RCBTB2: variants seen among roughly 807,000 people sequenced by gnomAD.
RCBTB2 encodes RCC1 and BTB domain-containing protein 2.
RCBTB2 carries 55 observed loss-of-function variants against 65.4 expected under a neutral mutation model. The ratio of observed to expected loss-of-function variants is 0.84; its 90% confidence interval spans 0.68 to 1.05. The LOEUF is 1.05. Among genes scored for constraint, RCBTB2 ranks in the 50% least tolerant of loss-of-function variants. The probability of loss-of-function intolerance (pLI) is 0.00; values close to 1 mark genes in which losing one functional copy is unlikely to be tolerated. For synonymous variants in RCBTB2, 220 were observed against 255.2 expected (o/e 0.86, Z 1.31); for missense variants, 599 against 680.1 (o/e 0.88, Z 1.33).
intron 4 of RCBTB2, among the ~76,000 whole-genome samples, chr13:48,518,138 G>A (rs977424193): frequency 2.0e-5 from 3 of 152,204 alleles, no homozygotes; most frequent in South Asian, 2.1e-4. Flanking sequence ...CTAGCCTCCA[G>A]AACTGTGAGA....
upstream of RCBTB2, among the ~76,000 whole-genome samples, chr13:48,535,462 G>A (rs962920078): frequency 6.6e-6 from 1 of 152,086 alleles, no homozygotes; most frequent in East Asian, 1.9e-4. Context: ...CGCCATGTTG[G>A]CCAGAATGGT....
intron 4 of RCBTB2, 50 bp downstream of exon 4, chr13:48,521,848 G>T: frequency 4.5e-6 from 7 of 1,546,912 alleles, no homozygotes; most frequent in Non-Finnish European, 6.3e-6. Context: ...CATGAAGTAT[G>T]TTTCATGCAA....
Position 48,521,003 on chromosome 13 carries a change from T to C in RCBTB2, c.42+895A>G, listed in dbSNP as rs555093589. The stretch of plus-strand genomic sequence containing the variant: ...TTATAACACTTTGTATATATATTTG[T>C]ATATGTTCAATCACTATGTAGTAAT... On this transcript the variant is annotated intron_variant, in intron 4 of 14. Transcript: ENST00000344532. 2.0e-5 allele frequency among the ~76,000 whole-genome samples: 3 copies of C among 152,302 alleles called. No individual in the cohort carries two copies. In the South Asian group the frequency reaches 6.2e-4, roughly 32 times the overall value.
chr13:48,491,058 T>C (rs1189869987), intron 14 of RCBTB2, among the ~76,000 whole-genome samples: 3 of 152,200 alleles, frequency 2.0e-5, no homozygotes, highest in African/African-American at 7.2e-5. Flanking sequence ...CCTAGGCTAC[T>C]TGGCCTAGGA....
chr13:48,521,754 T>C (rs1277934616), intron 4 of RCBTB2, 144 bp downstream of exon 4: 1 of 745,320 alleles, frequency 1.3e-6, no homozygotes, highest in African/African-American at 1.8e-5. Flanking sequence ...CGATTATCTG[T>C]TGGCATCTCA....
intron 13 of RCBTB2, among the ~76,000 whole-genome samples, chr13:48,497,706 T>C (rs1483805796): frequency 6.6e-6 from 1 of 152,234 alleles, no homozygotes; most frequent in Non-Finnish European, 1.5e-5. Flanking sequence ...TATTAATTGT[T>C]TTTGTGTCTA....
Position 48,515,295 on chromosome 13 carries a change from T to C in RCBTB2, c.259A>G (p.Ile87Val), listed in dbSNP as rs1214998902. ...AAAGAATCCAGTCTCCGAGGTTCAA[T>C]GGTGCTCTGGACGTCACCTAACCCC... is the stretch of plus-strand genomic sequence containing the variant. ...CLGLGDVQST[I>V]EPRRLDSLNG... Residue 87 changes from isoleucine to valine, a missense_variant, in exon 6 of 15, where the codon ATT (isoleucine) becomes GTT (valine). Physicochemically the swap from Ile to Val is conservative, Grantham distance 29 (BLOSUM62 3). Transcript: ENST00000344532. 3.1e-6 allele frequency: 5 copies of C among 1,614,168 alleles called. No homozygotes were observed. Among genetic ancestry groups the C allele is most frequent in the East Asian group, 2.2e-5 (1 of 44,888 alleles).
intron 14 of RCBTB2, among the ~76,000 whole-genome samples, chr13:48,492,110 T>C (rs891312904): frequency 6.6e-6 from 1 of 152,110 alleles, no homozygotes; most frequent in Non-Finnish European, 1.5e-5. Flanking sequence ...GCCTGACATC[T>C]CCCCTCTCAT....
intron 13 of RCBTB2, among the ~76,000 whole-genome samples, chr13:48,498,157 G>C (rs1950061343): frequency 6.6e-6 from 1 of 152,196 alleles, no homozygotes; most frequent in African/African-American, 2.4e-5. Flanking sequence ...TGCAAGCTAG[G>C]GTGCCCACAC....
intron 1 of RCBTB2, among the ~76,000 whole-genome samples, chr13:48,530,324 A>C (rs918000113): frequency 4.6e-5 from 7 of 152,266 alleles, no homozygotes; most frequent in Admixed American, 1.3e-4. Flanking sequence ...GCATAAGCAA[A>C]TTCCATGGAC....
Position 48,501,784 on chromosome 13 carries a change from T to A in RCBTB2, c.1202A>T (p.Asp401Val), listed in dbSNP as rs771175640. Reference sequence around the variant, plus strand: ...TTTATGTGCATAAATGTACTTTCCATCAACTAGAAACTTCAGGTCTGCAGT... The same window carrying A: ...TTTATGTGCATAAATGTACTTTCCAACAACTAGAAACTTCAGGTCTGCAGT... ...PDTADLKFLV[D>V]GKYIYAHKVL... Residue 401 changes from aspartate (D) to valine (V), a missense_variant, in exon 12 of 15, where the codon GAT (aspartate) becomes GTT (valine). Physicochemically the swap from Asp to Val is radical, Grantham distance 152 (BLOSUM62 -3). Transcript: ENST00000344532. The A allele has an allele frequency of 6.2e-7, 1 of 1,613,300 alleles. No individual in the cohort carries two copies. The highest frequency in any genetic ancestry group is 8.5e-7 in the Non-Finnish European group (1 of 1,179,206).
At chr13:48,496,386 C>G (rs1404324609) in intron 13 of RCBTB2, 65 bp from the exon 14 acceptor site, 16 of 1,429,636 alleles carry the variant, frequency 1.1e-5, no homozygotes, top group Non-Finnish European at 1.5e-5. Context: ...GTTGCTCACT[C>G]AGCCACTCAG....
At chr13:48,525,527 T>C (rs1951680686) in intron 1 of RCBTB2, among the ~76,000 whole-genome samples, 1 of 151,206 alleles carries the variant, frequency 6.6e-6, no homozygotes, top group Non-Finnish European at 1.5e-5. Context: ...TATTTTATTC[T>C]ACCCTACTCT....
intron 4 of RCBTB2, among the ~76,000 whole-genome samples, chr13:48,521,646 G>A (rs568436839): frequency 3.3e-5 from 5 of 151,734 alleles, no homozygotes; most frequent in Admixed American, 6.5e-5. Flanking sequence ...TGGCCTTTGC[G>A]CCTCATCTGT....
At position 48,489,594 on chromosome 13, in the gene RCBTB2, T is replaced by TAAAAA. The variant is rs1949614451; in HGVS notation, c.*516_*517insTTTTT. The TAAAAA allele has an allele frequency of 6.6e-6, 1 of 152,450 alleles. No individual in the cohort carries two copies. Among genetic ancestry groups the TAAAAA allele is most frequent in the Non-Finnish European group, 1.5e-5 (1 of 68,192 alleles). The allele number at this position is 152,450 out of a possible 1,614,324, so 9.4% of individuals were successfully genotyped here. ...GAACCTCAATAATTACAGGCTGTTT[T>TAAAAA]AAGTTTATTTTGTGAAAGTTATTCC... On this transcript the variant is annotated 3_prime_UTR_variant, in exon 15 of 15. Coordinates refer to ENST00000344532, the MANE Select transcript of RCBTB2 (RefSeq NM_001268.4).
intron 2 of RCBTB2, among the ~76,000 whole-genome samples, chr13:48,523,377 T>C (rs1951530507): frequency 6.6e-6 from 1 of 152,224 alleles, no homozygotes; most frequent in Non-Finnish European, 1.5e-5. Flanking sequence ...TTCTGCCTCA[T>C]ATGACAGTTA....
chr13:48,525,323 C>A (rs1216483259), intron 1 of RCBTB2, among the ~76,000 whole-genome samples: 2 of 135,576 alleles, frequency 1.5e-5, no homozygotes, highest in East Asian at 4.4e-4. Flanking sequence ...GCCTGCAAAT[C>A]AGTAAGAATA....
chr13:48,527,702 C>T (rs982854630), intron 1 of RCBTB2, among the ~76,000 whole-genome samples: 1 of 152,072 alleles, frequency 6.6e-6, no homozygotes, highest in African/African-American at 2.4e-5. Flanking sequence ...CAGCTGTTTT[C>T]CTAATTGTAC....
chr13:48,515,144 A>G, intron 6 of RCBTB2, 61 bp downstream of exon 6: 1 of 1,491,476 alleles, frequency 6.7e-7, no homozygotes, highest in Non-Finnish European at 9.2e-7. Context: ...AACCAATTAA[A>G]CAATGTTCTC....
Sources: allele counts gnomAD v4.1 joint callset (sites outside exome capture counted in the v4.1 genomes callset), GRCh38; gene constraint gnomAD v4.1.1; transcripts MANE v1.5; gene names NCBI Gene and HGNC (gene_info 2026-07-23, HGNC 2026-07-21).